The following ZNF581 variants were observed in gnomAD, a reference collection of about 807,000 sequenced individuals.
The protein encoded by ZNF581 is zinc finger protein 581.
In ZNF581, 1 loss-of-function variant was observed where a neutral mutation model predicts 1.2. The observed-to-expected ratio is 0.83, with a 90% CI of 0.30 to 3.95. The LOEUF (loss-of-function observed/expected upper bound fraction) is 3.95. ZNF581 is among the 30% of genes most tolerant of loss of function. The pLI is 0.18. For missense variants in ZNF581, 273 were observed against 274.6 expected (o/e 0.99, Z 0.04); for synonymous variants, 105 against 109.2 (o/e 0.96, Z 0.24).
At chr19:55,640,517 C>T, upstream of ZNF581, 2 of 985,446 alleles carry the variant, frequency 2.0e-6, no homozygotes, top group South Asian at 4.7e-5. Flanking sequence ...CCGCATGTGC[C>T]CCGTGGAAAG....
upstream of ZNF581, chr19:55,640,940 G>A (rs1568536078): frequency 5.1e-6 from 5 of 985,284 alleles, no homozygotes; most frequent in Non-Finnish European, 6.0e-6. Context: ...AGAGGCGAGG[G>A]GTGGGAGCGC....
rs375439027 is a variant in ZNF581 at position 55,644,410 on chromosome 19, G to C, written c.-19-143G>C. The C allele has an allele frequency of 4.9e-6, 3 of 618,066 alleles. No homozygotes were observed. Among genetic ancestry groups the C allele is most frequent in the Non-Finnish European group, 8.4e-6 (3 of 356,228 alleles). The allele number at this position is 618,066 out of a possible 1,614,324, so 38.3% of individuals were successfully genotyped here. On this transcript the variant is annotated intron_variant, in intron 1 of 1. Coordinates refer to ENST00000270451, the MANE Select transcript of ZNF581 (RefSeq NM_016535.4). This position sits in a 1 kb window ranked among gnomAD's most constrained non-coding sequence, Gnocchi z 4.3. The stretch of plus-strand genomic sequence containing the variant: ...TTTTAGGGGGCCACAGACTCCAGCT[G>C]TGAGCGGGACTGGAAAAGAGGGACT...
chr19:55,642,566 G>A, upstream of ZNF581: 1 of 1,457,602 alleles, frequency 6.9e-7, no homozygotes, highest in South Asian at 1.5e-5. Context: ...GGAGGCCATG[G>A]ACCCACCGCC....
chr19:55,640,703 G>T, upstream of ZNF581: 1 of 985,482 alleles, frequency 1.0e-6, no homozygotes, highest in Non-Finnish European at 1.2e-6. Context: ...CTCTACCTCG[G>T]TGGGTGGCCA....
At chr19:55,641,371 C>T (rs1170870529), upstream of ZNF581, among the ~76,000 whole-genome samples, 5 of 152,144 alleles carry the variant, frequency 3.3e-5, no homozygotes, top group South Asian at 8.3e-4. Context: ...TAGGAGGGGC[C>T]CCAGGGCCAG....
At chr19:55,638,337 C>G (rs1479171922), upstream of ZNF581, among the ~76,000 whole-genome samples, 3 of 152,168 alleles carry the variant, frequency 2.0e-5, no homozygotes, top group Non-Finnish European at 4.4e-5. Flanking sequence ...ATCCCGGGTT[C>G]AAGTGATTCT....
chr19:55,636,188 G>A (rs996049433), upstream of ZNF581, among the ~76,000 whole-genome samples: 7 of 152,318 alleles, frequency 4.6e-5, no homozygotes, highest in East Asian at 1.4e-3. Context: ...AGAAGCATCT[G>A]TCAGGGTCAG....
At chr19:55,638,909 A>G (rs1982254563), upstream of ZNF581, among the ~76,000 whole-genome samples, 1 of 151,074 alleles carries the variant, frequency 6.6e-6, no homozygotes, top group Non-Finnish European at 1.5e-5. Flanking sequence ...GGAGGTGGAA[A>G]CAGGAGAATC....
chr19:55,640,964 C>G (rs989764659), upstream of ZNF581: 1 of 985,234 alleles, frequency 1.0e-6, no homozygotes, highest in African/African-American at 1.7e-5. Flanking sequence ...CTCCAGGCGG[C>G]GGAACCTCCG....
rs1568538796 is a variant in ZNF581 at position 55,644,676 on chromosome 19, TTCC to T, written c.112_114del (p.Ser38del). ...CTTGCCGCTCCCCAGAACCTGGACCTTCCTCCTCCATCGGATCTCCCCAGGCTT... is the reference window on the plus strand; with the variant it reads ...CTTGCCGCTCCCCAGAACCTGGACCTTCCTCCATCGGATCTCCCCAGGCTT... On this transcript the variant is annotated inframe_deletion, in exon 2 of 2. Transcript: ENST00000270451. This position sits in a 1 kb window ranked among gnomAD's most constrained non-coding sequence, Gnocchi z 4.3. 1 of 1,613,144 alleles carries T rather than the reference TTCC, an allele frequency of 6.2e-7. No individual in the cohort carries two copies.
At chr19:55,642,501 C>T (rs1233968212), upstream of ZNF581, 4 of 1,429,570 alleles carry the variant, frequency 2.8e-6, no homozygotes, top group Non-Finnish European at 3.7e-6. Context: ...TCCCAGCTGC[C>T]GCTCCAGATG....
chr19:55,641,097 G>C, upstream of ZNF581: 1 of 985,354 alleles, frequency 1.0e-6, no homozygotes, highest in African/African-American at 1.7e-5. Context: ...GGAAGTCTCG[G>C]TTCCGCCGCC....
At chr19:55,640,146 G>GCTGCCGCCCTC (rs1261186349), upstream of ZNF581, 3 of 985,370 alleles carry the variant, frequency 3.0e-6, no homozygotes, top group Admixed American at 6.1e-5. Flanking sequence ...AGATGCTGCT[G>GCTGCCGCCCTC]CTGCCGCCCT....
upstream of ZNF581, chr19:55,640,391 C>G (rs1982379434): frequency 2.0e-6 from 2 of 985,514 alleles, no homozygotes; most frequent in Non-Finnish European, 2.4e-6. Context: ...TTTCCCACCT[C>G]CGCATCTGGC....
At chr19:55,641,990 G>C (rs1476969623), upstream of ZNF581, 30 of 968,730 alleles carry the variant, frequency 3.1e-5, no homozygotes, top group Non-Finnish European at 3.6e-5. Flanking sequence ...TAGTGGGGAC[G>C]GAGGGCCAGG....
upstream of ZNF581, chr19:55,642,834 G>A (rs754255299): frequency 1.3e-6 from 2 of 1,574,822 alleles, no homozygotes; most frequent in Non-Finnish European, 1.7e-6. Flanking sequence ...CGGCTGCAGA[G>A]CCACCGCGTG....
In ZNF581 at chr19:55,645,025, C is replaced by T. The variant is rs1417390736; in HGVS notation, c.454C>T (p.Arg152Cys). 12 of 1,591,322 alleles carry T rather than the reference C, an allele frequency of 7.5e-6. No homozygotes were observed. Among genetic ancestry groups the T allele is most frequent in the Middle Eastern group, 1.7e-4 (1 of 5,982 alleles). Residue 152 changes from arginine to cysteine, a missense_variant, in exon 2 of 2, where the codon CGC becomes TGC. By Grantham distance (180) the Arg-to-Cys change is radical (BLOSUM62 -3). Coordinates refer to ENST00000270451, the MANE Select transcript of ZNF581 (RefSeq NM_016535.4). ...GCCCCACGGCTGCCCGCTCTGCCCT[C>T]GCCGCTTCCGGGATGCGGGTGAGCT... is the stretch of plus-strand genomic sequence containing the variant. ...GRPHGCPLCPRRFRDAGELAQ... is the reference protein window; with the variant it reads ...GRPHGCPLCPCRFRDAGELAQ...
chr19:55,637,046 T>C (rs972956270), upstream of ZNF581, among the ~76,000 whole-genome samples: 16 of 152,174 alleles, frequency 1.1e-4, no homozygotes, highest in African/African-American at 3.9e-4. Flanking sequence ...CTGAAACTCC[T>C]GGGCTCAGGC....
chr19:55,640,493 G>A (rs1982386833), upstream of ZNF581: 1 of 985,448 alleles, frequency 1.0e-6, no homozygotes, highest in South Asian at 4.7e-5. Context: ...CTGGCCCTCT[G>A]TGGGCCTCGG....
Sources: allele counts gnomAD v4.1 joint callset (sites outside exome capture counted in the v4.1 genomes callset), GRCh38; gene constraint gnomAD v4.1.1; non-coding constraint Gnocchi (gnomAD v3.1); transcripts MANE v1.5; gene names NCBI Gene and HGNC (gene_info 2026-07-23, HGNC 2026-07-21).